The following EXOC6B variants were observed in gnomAD, a reference collection of about 807,000 sequenced individuals.
EXOC6B encodes exocyst complex component 6B.
Under a neutral mutation model 113.5 loss-of-function variants are expected in EXOC6B, and 54 were observed. The observed-to-expected ratio is 0.48, with a 90% CI of 0.38 to 0.60. The LOEUF is 0.60. EXOC6B is among the 20% of genes least tolerant of loss of function. The pLI, the probability that EXOC6B is intolerant of heterozygous loss-of-function variation, is 0.00. For missense variants in EXOC6B, 797 were observed against 977.5 expected, an observed-to-expected ratio of 0.82 and a Z score of 2.46; for synonymous variants, 357 against 339.0, an observed-to-expected ratio of 1.05 and a Z score of -0.58.
At chr2:72,225,758 T>G (rs779076452) in intron 20 of EXOC6B, among the ~76,000 whole-genome samples, 3 of 152,218 alleles carry the variant, frequency 2.0e-5, no homozygotes, top group Non-Finnish European at 2.9e-5. Flanking sequence ...CTATCCCTAT[T>G]CATTTAACTA....
At chr2:72,544,132 T>C (rs1457274184) in intron 8 of EXOC6B, among the ~76,000 whole-genome samples, 1 of 152,170 alleles carries the variant, frequency 6.6e-6, no homozygotes, top group Non-Finnish European at 1.5e-5. Context: ...CCATTTAAAA[T>C]GAAAATAAAA....
intron 15 of EXOC6B, among the ~76,000 whole-genome samples, chr2:72,494,415 A>G (rs1699925015): frequency 6.6e-6 from 1 of 152,148 alleles, no homozygotes; most frequent in African/African-American, 2.4e-5. Flanking sequence ...TCAAGAGAAC[A>G]TTTCTATGAA....
At chr2:72,609,173 GCAAA>G (rs924889484) in intron 6 of EXOC6B, among the ~76,000 whole-genome samples, 2 of 152,074 alleles carry the variant, frequency 1.3e-5, no homozygotes, top group African/African-American at 4.8e-5. Flanking sequence ...TGTTGGAAGA[GCAAA>G]CAATCAAAAA....
chr2:72,521,675 G>C (rs1297840501), intron 8 of EXOC6B, among the ~76,000 whole-genome samples: 1 of 152,128 alleles, frequency 6.6e-6, no homozygotes, highest in African/African-American at 2.4e-5. Context: ...AAGAAAGACA[G>C]ACATAGAAGG....
chr2:72,215,858 C>T (rs748836747), intron 20 of EXOC6B, among the ~76,000 whole-genome samples: 6 of 152,026 alleles, frequency 3.9e-5, no homozygotes, highest in Non-Finnish European at 7.4e-5. Context: ...AAAAGCTTAG[C>T]CTTAGGTGCT....
intron 6 of EXOC6B, among the ~76,000 whole-genome samples, chr2:72,668,421 C>T (rs1408250353): frequency 2.0e-5 from 3 of 151,492 alleles, no homozygotes; most frequent in East Asian, 1.9e-4. Flanking sequence ...TGAGTATATA[C>T]CCAAAGGAAA....
At chr2:72,587,633 A>T (rs1169134838) in intron 6 of EXOC6B, among the ~76,000 whole-genome samples, 1 of 152,228 alleles carries the variant, frequency 6.6e-6, no homozygotes, top group Non-Finnish European at 1.5e-5. Context: ...AACAAAAAAT[A>T]CATATGTAAA....
In EXOC6B at chr2:72,178,615, T is replaced by G. The variant is rs1677883948; in HGVS notation, c.*720A>C. The G allele has an allele frequency of 6.6e-6, 1 of 152,226 alleles. No homozygotes were observed. The highest frequency in any genetic ancestry group is 1.5e-5 in the Non-Finnish European group (1 of 68,052). 9.4% of individuals were successfully genotyped at this position (152,226 alleles called of 1,614,324 possible). On this transcript the variant is annotated 3_prime_UTR_variant, in exon 22 of 22. Transcript: ENST00000272427. ...AACTCTTCGAGTTGAGACTCAACAC[T>G]CCTAGAGCTGGGGCAATATGCAGTT...
intron 16 of EXOC6B, among the ~76,000 whole-genome samples, chr2:72,491,065 C>G (rs1348981456): frequency 2.0e-5 from 3 of 152,134 alleles, no homozygotes; most frequent in African/African-American, 7.2e-5. Flanking sequence ...GGAGGACTTC[C>G]TAATTTTCAC....
At chr2:72,282,158 A>T (rs557205101) in intron 20 of EXOC6B, among the ~76,000 whole-genome samples, 258 of 152,288 alleles carry the variant, frequency 1.7e-3, no homozygotes, top group African/African-American at 5.3e-3. Flanking sequence ...AATATTTTTT[A>T]AAATATGAAA....
chr2:72,609,066 C>T (rs545068808), intron 6 of EXOC6B, among the ~76,000 whole-genome samples: 16 of 152,254 alleles, frequency 1.1e-4, no homozygotes, highest in Middle Eastern at 3.4e-3. Context: ...CACTTCCCAA[C>T]TCTACCCACA....
intron 20 of EXOC6B, among the ~76,000 whole-genome samples, chr2:72,259,503 G>A (rs1683573896): frequency 1.3e-5 from 2 of 152,080 alleles, no homozygotes; most frequent in South Asian, 2.1e-4. Context: ...TCTTTTACAA[G>A]TCTTTTCGTG....
chr2:72,503,644 G>T (rs772401091), intron 11 of EXOC6B, among the ~76,000 whole-genome samples: 2 of 152,134 alleles, frequency 1.3e-5, no homozygotes, highest in African/African-American at 2.4e-5. Context: ...TAAACAAGCT[G>T]CTATACACAT....
chr2:72,420,433 T>C (rs997795390), intron 18 of EXOC6B, among the ~76,000 whole-genome samples: 2 of 152,192 alleles, frequency 1.3e-5, no homozygotes, highest in Admixed American at 1.3e-4. Context: ...TTCCCCTCCC[T>C]GTGTCCATGT....
intron 1 of EXOC6B, among the ~76,000 whole-genome samples, chr2:72,787,273 G>A (rs968956478): frequency 3.3e-5 from 5 of 151,524 alleles, no homozygotes; most frequent in African/African-American, 4.8e-5. Context: ...GTGTGGTGGC[G>A]CAATCTCGGC....
chr2:72,251,945 C>A lies in EXOC6B; in HGVS notation c.2197-67758G>T, dbSNP rs532919385. Among the ~76,000 whole-genome samples, 8 of 152,264 alleles carry A rather than the reference C, an allele frequency of 5.3e-5. No individual in the cohort carries two copies. In the South Asian group the frequency reaches 1.2e-3, roughly 24 times the overall value. ...TTGCAACTGAACCCATATTTCCCCC[C>A]CTTCTTCTCTTACAATGAATGAACA... On this transcript the variant is annotated intron_variant, in intron 20 of 21. Coordinates refer to ENST00000272427, the MANE Select transcript of EXOC6B (RefSeq NM_015189.3).
intron 2 of EXOC6B, among the ~76,000 whole-genome samples, chr2:72,741,027 C>A (rs1681283317): frequency 6.6e-6 from 1 of 151,876 alleles, no homozygotes; most frequent in Non-Finnish European, 1.5e-5. Context: ...TGGCGTGAAC[C>A]CAGGAGGCGG....
chr2:72,508,184 A>AAAAAAAAAAAAAAAAAAAC (rs923877882), intron 11 of EXOC6B, among the ~76,000 whole-genome samples: 10 of 89,102 alleles, frequency 1.1e-4, no homozygotes, highest in African/African-American at 5.3e-4. Flanking sequence ...AAAAAAAAAA[A>AAAAAAAAAAAAAAAAAAAC]ACACCTAAAA....
chr2:72,604,888 T>C (rs1459782578), intron 6 of EXOC6B, among the ~76,000 whole-genome samples: 2 of 152,214 alleles, frequency 1.3e-5, no homozygotes, highest in Non-Finnish European at 2.9e-5. Flanking sequence ...AGTAATAGCC[T>C]ATTATGTAAT....
Sources: gnomAD v4.1 joint callset for allele counts (sites outside exome capture counted in the v4.1 genomes callset) on GRCh38, gnomAD v4.1.1 for gene constraint, MANE v1.5 for transcripts, NCBI Gene and HGNC (gene_info 2026-07-23, HGNC 2026-07-21) for gene names.